NEBL: variants seen among roughly 807,000 people sequenced by gnomAD.
NEBL encodes the protein nebulette.
Under a neutral mutation model 140.2 loss-of-function variants are expected in NEBL, and 122 were observed. The observed-to-expected ratio is 0.87, with a 90% CI of 0.75 to 1.01. NEBL has a LOEUF of 1.01. Ranked by LOEUF, NEBL falls within the 50% of genes least tolerant of loss-of-function variation. The pLI, the probability that NEBL is intolerant of heterozygous loss-of-function variation, is 0.00. For synonymous variants in NEBL, 436 were observed against 398.9 expected (o/e 1.09, Z -1.11); for missense variants, 1,365 against 1,231.3 (o/e 1.11, Z -1.62).
chr10:21,005,786 A>T (rs957345025), intron 3 of NEBL, among the ~76,000 whole-genome samples: 1 of 151,664 alleles, frequency 6.6e-6, no homozygotes, highest in Non-Finnish European at 1.5e-5. Flanking sequence ...TTTTACATCT[A>T]CCCACCCATA....
chr10:21,113,264 C>T (rs1431252164), intron 2 of NEBL: 3 of 235,682 alleles, frequency 1.3e-5, no homozygotes, highest in South Asian at 4.2e-5. Flanking sequence ...AAACCATCAA[C>T]ACCAAGATCA....
chr10:21,107,599 T>C (rs1837781436), intron 2 of NEBL, among the ~76,000 whole-genome samples: 1 of 152,252 alleles, frequency 6.6e-6, no homozygotes, highest in Non-Finnish European at 1.5e-5. Context: ...TTTGCATCGA[T>C]GTTCATCAAG....
At chr10:20,812,150 G>A (rs887354341) in intron 24 of NEBL, among the ~76,000 whole-genome samples, 2 of 152,062 alleles carry the variant, frequency 1.3e-5, no homozygotes, top group African/African-American at 4.8e-5. Context: ...GGACCTAAAC[G>A]CAATATGGTT....
chr10:21,204,626 G>A (rs552959653), intron 3 of NEBL, among the ~76,000 whole-genome samples: 1 of 152,290 alleles, frequency 6.6e-6, no homozygotes, highest in Admixed American at 6.5e-5. Context: ...AAGGCTTCCA[G>A]GCTGTGGGAT....
chr10:21,187,789 C>T (rs915139392), intron 3 of NEBL, among the ~76,000 whole-genome samples: 2 of 152,204 alleles, frequency 1.3e-5, no homozygotes. Context: ...GCTGGGATTA[C>T]AGATGTGAGC....
intron 2 of NEBL, among the ~76,000 whole-genome samples, chr10:20,894,765 A>T (rs1588965820): frequency 6.7e-6 from 1 of 149,272 alleles, no homozygotes; most frequent in East Asian, 2.0e-4. Context: ...AAAAAAAAAA[A>T]AAAATACAAA....
intron 1 of NEBL, among the ~76,000 whole-genome samples, chr10:21,285,873 T>G (rs1016817213): frequency 6.6e-6 from 1 of 152,226 alleles, no homozygotes; most frequent in Non-Finnish European, 1.5e-5. Flanking sequence ...TTGGCTGCTA[T>G]GCTGTAAACA....
intron 2 of NEBL, among the ~76,000 whole-genome samples, chr10:21,102,904 C>T (rs992090069): frequency 3.9e-5 from 6 of 151,998 alleles, no homozygotes; most frequent in African/African-American, 7.3e-5. Context: ...TGTGCCATAG[C>T]GGTTTGCTGT....
intron 3 of NEBL, among the ~76,000 whole-genome samples, chr10:21,187,101 A>G (rs1220600591): frequency 3.3e-5 from 5 of 151,872 alleles, no homozygotes; most frequent in African/African-American, 1.2e-4. Flanking sequence ...TTTTACATAG[A>G]TGCAAGTACG....
intron 4 of NEBL, among the ~76,000 whole-genome samples, chr10:20,881,305 C>T (rs538886450): frequency 6.6e-6 from 1 of 152,260 alleles, no homozygotes; most frequent in Admixed American, 6.5e-5. Context: ...ATGATTGGGT[C>T]TGATTTTATG....
intron 3 of NEBL, among the ~76,000 whole-genome samples, chr10:21,004,904 T>C (rs1356843533): frequency 1.3e-5 from 2 of 152,180 alleles, no homozygotes; most frequent in Non-Finnish European, 2.9e-5. Flanking sequence ...CTCACCTTTC[T>C]TTTTCCTCTA....
chr10:21,243,847 A>G (rs1443963705), intron 3 of NEBL, among the ~76,000 whole-genome samples: 3 of 151,924 alleles, frequency 2.0e-5, no homozygotes, highest in Non-Finnish European at 2.9e-5. Context: ...AGAAAAGTTT[A>G]TTCCCAGGTC....
At chr10:20,851,528 C>A (rs1564383322) in intron 10 of NEBL, among the ~76,000 whole-genome samples, 1 of 151,596 alleles carries the variant, frequency 6.6e-6, no homozygotes, top group African/African-American at 2.4e-5. Context: ...GTAATCCCAG[C>A]ACTTTGGGAG....
intron 2 of NEBL, among the ~76,000 whole-genome samples, chr10:21,164,238 C>T (rs1157568927): frequency 1.3e-5 from 2 of 152,216 alleles, no homozygotes; most frequent in Non-Finnish European, 2.9e-5. Context: ...CCTAGTAACA[C>T]TAACTATAAG....
intron 3 of NEBL, among the ~76,000 whole-genome samples, chr10:21,209,091 T>A (rs763322764): frequency 7.2e-5 from 11 of 152,222 alleles, no homozygotes; most frequent in Non-Finnish European, 1.0e-4. Flanking sequence ...AAGTATGAAT[T>A]CTGTCTCCCA....
At chr10:20,949,293 T>C (rs1362711701) in intron 4 of NEBL, among the ~76,000 whole-genome samples, 7 of 151,546 alleles carry the variant, frequency 4.6e-5, no homozygotes. Flanking sequence ...CTAGGGCCTG[T>C]TGGGGGATGG....
rs757332145 is a variant in NEBL at position 20,814,059 on chromosome 10, T to C, written c.2242-16A>G. 19 of 1,442,934 alleles carry C rather than the reference T, an allele frequency of 1.3e-5. No homozygotes were observed. In the Admixed American group the frequency reaches 2.7e-4, roughly 20 times the overall value. The allele number at this position is 1,442,934 out of a possible 1,614,324, so 89.4% of individuals were successfully genotyped here. A position where few individuals can be genotyped will look rare whatever the true frequency, so the allele number is the denominator to read the frequency against. ...TATATTTTACCTGCAAAGTAAATAG[T>C]AGGCATAAGACAATGATAAGAAAAC... On this transcript the variant is annotated splice_polypyrimidine_tract_variant and intron_variant, in intron 22 of 27. Coordinates refer to ENST00000377122, the MANE Select transcript of NEBL (RefSeq NM_006393.3).
chr10:21,051,885 C>T (rs1319274870), intron 2 of NEBL, among the ~76,000 whole-genome samples: 1 of 151,982 alleles, frequency 6.6e-6, no homozygotes, highest in African/African-American at 2.4e-5. Flanking sequence ...GAAAACTTCA[C>T]CTATGAGGGT....
At chr10:21,061,776 C>T (rs141158982) in intron 2 of NEBL, among the ~76,000 whole-genome samples, 4 of 152,284 alleles carry the variant, frequency 2.6e-5, no homozygotes, top group Admixed American at 6.5e-5. Context: ...TGGATAAGGA[C>T]TGAGCCACCT....
Sources: gnomAD v4.1 joint callset for allele counts (sites outside exome capture counted in the v4.1 genomes callset) on GRCh38, gnomAD v4.1.1 for gene constraint, MANE v1.5 for transcripts, NCBI Gene and HGNC (gene_info 2026-07-23, HGNC 2026-07-21) for gene names.